Variants in TMPRSS15 observed in about 807,000 individuals in gnomAD.
TMPRSS15 encodes the protein transmembrane serine protease 15.
In TMPRSS15, 128 loss-of-function variants were observed where a neutral mutation model predicts 125.3. The ratio of observed to expected loss-of-function variants is 1.02; its 90% confidence interval spans 0.89 to 1.18. TMPRSS15 has a LOEUF of 1.18. Among genes scored for constraint, TMPRSS15 ranks in the 50% most tolerant of loss-of-function variants. The pLI, the probability that TMPRSS15 is intolerant of heterozygous loss-of-function variation, is 0.00. For synonymous variants in TMPRSS15, 446 were observed against 423.2 expected (o/e 1.05, Z -0.66); for missense variants, 1,283 against 1,212.7 (o/e 1.06, Z -0.86).
intron 18 of TMPRSS15, among the ~76,000 whole-genome samples, chr21:18,310,070 A>G (rs1209612404): frequency 3.9e-5 from 6 of 152,156 alleles, no homozygotes; most frequent in Non-Finnish European, 7.4e-5. Context: ...CCTCAACACA[A>G]TAAAGATTAC....
chr21:18,284,172 C>T (rs2146878384), intron 21 of TMPRSS15, among the ~76,000 whole-genome samples: 1 of 152,252 alleles, frequency 6.6e-6, no homozygotes, highest in African/African-American at 2.4e-5. Context: ...TACATCTTTC[C>T]TTCAAAGAGA....
chr21:18,480,299 T>C (rs570206300), intron 1 of TMPRSS15, among the ~76,000 whole-genome samples: 2 of 152,038 alleles, frequency 1.3e-5, no homozygotes, highest in Admixed American at 6.6e-5. Flanking sequence ...TTTAGTCTTG[T>C]TCATGTATGG....
At chr21:18,458,126 G>T (rs1012059573) in intron 1 of TMPRSS15, among the ~76,000 whole-genome samples, 5 of 152,098 alleles carry the variant, frequency 3.3e-5, no homozygotes, top group Non-Finnish European at 5.9e-5. Context: ...TTATATTAAG[G>T]TATAAGGAGG....
chr21:18,356,662 C>T (rs1056003053), intron 8 of TMPRSS15, among the ~76,000 whole-genome samples: 1 of 151,634 alleles, frequency 6.6e-6, no homozygotes, highest in African/African-American at 2.4e-5. Context: ...CATAACATAC[C>T]CCTATCAACA....
chr21:18,272,412 GAT>G (rs1038850979), intron 24 of TMPRSS15, among the ~76,000 whole-genome samples: 1 of 152,006 alleles, frequency 6.6e-6, no homozygotes, highest in African/African-American at 2.4e-5. Context: ...CTGTCTTGGA[GAT>G]ATATGAGTAC....
At chr21:18,317,607 G>A (rs1383888597) in intron 16 of TMPRSS15, among the ~76,000 whole-genome samples, 1 of 152,096 alleles carries the variant, frequency 6.6e-6, no homozygotes, top group Non-Finnish European at 1.5e-5. Context: ...GCTTTCATGG[G>A]ACTAGTGTAA....
chr21:18,338,287 T>C (rs1451388842), intron 13 of TMPRSS15, among the ~76,000 whole-genome samples: 1 of 152,040 alleles, frequency 6.6e-6, no homozygotes, highest in Non-Finnish European at 1.5e-5. Flanking sequence ...TCCTAGAAAA[T>C]TTTTCTTCTT....
intron 1 of TMPRSS15, among the ~76,000 whole-genome samples, chr21:18,433,913 T>A (rs1426930780): frequency 6.6e-6 from 1 of 152,122 alleles, no homozygotes; most frequent in Non-Finnish European, 1.5e-5. Context: ...ATTTGTCCAG[T>A]TTGTTTTTAA....
intron 1 of TMPRSS15, among the ~76,000 whole-genome samples, chr21:18,430,787 C>G (rs551102882): frequency 6.6e-6 from 1 of 152,260 alleles, no homozygotes. Flanking sequence ...CTCTGATATT[C>G]CCTTCTTGCA....
At chr21:18,282,573 G>A (rs1200789193) in intron 21 of TMPRSS15, among the ~76,000 whole-genome samples, 1 of 152,224 alleles carries the variant, frequency 6.6e-6, no homozygotes, top group East Asian at 1.9e-4. Context: ...GCAGTCATCA[G>A]TAAAGCCAGT....
intron 1 of TMPRSS15, among the ~76,000 whole-genome samples, chr21:18,415,543 G>A (rs2123180375): frequency 6.6e-6 from 1 of 152,166 alleles, no homozygotes; most frequent in Admixed American, 6.5e-5. Flanking sequence ...GTGTTAGGCA[G>A]AGATCTATTT....
At chr21:18,314,827 A>T (rs565684381) in intron 17 of TMPRSS15, among the ~76,000 whole-genome samples, 2 of 152,226 alleles carry the variant, frequency 1.3e-5, no homozygotes, top group East Asian at 3.9e-4. Flanking sequence ...AGTAGCCAAT[A>T]TGAGTGGTGC....
At chr21:18,416,072 T>G (rs899714722) in intron 1 of TMPRSS15, among the ~76,000 whole-genome samples, 29 of 151,960 alleles carry the variant, frequency 1.9e-4, no homozygotes, top group Non-Finnish European at 3.2e-4. Flanking sequence ...TCATACAATA[T>G]TTAGAAATAA....
Position 18,392,158 on chromosome 21 carries a change from C to T in TMPRSS15, c.344+5721G>A, listed in dbSNP as rs554473692. On this transcript the variant is annotated intron_variant, in intron 3 of 24. Coordinates refer to ENST00000284885, the MANE Select transcript of TMPRSS15 (RefSeq NM_002772.3). ...GGAGACATGTTCACCATTGTCTTGG[C>T]GAATAACATTTGACTCCTCATTACT... is the stretch of plus-strand genomic sequence containing the variant. Among the ~76,000 whole-genome samples, 17 of 152,274 alleles carry T rather than the reference C, an allele frequency of 1.1e-4. No homozygotes were observed. The South Asian group carries it at 2.5e-3, about 22-fold the overall frequency.
intron 24 of TMPRSS15, among the ~76,000 whole-genome samples, chr21:18,273,760 A>T (rs1404720321): frequency 6.6e-6 from 1 of 152,184 alleles, no homozygotes; most frequent in Non-Finnish European, 1.5e-5. Context: ...TTTTCATTTT[A>T]AAAAAGAAGT....
At chr21:18,312,116 G>A (rs1465824273) in intron 18 of TMPRSS15, among the ~76,000 whole-genome samples, 5 of 152,000 alleles carry the variant, frequency 3.3e-5, no homozygotes, top group Non-Finnish European at 7.4e-5. Flanking sequence ...GAGCCAACAT[G>A]GTTAGTAATC....
In TMPRSS15 at chr21:18,340,580, G is replaced by A. The variant is rs566333951; in HGVS notation, c.1564+833C>T. 5.9e-5 allele frequency among the ~76,000 whole-genome samples: 9 copies of A among 152,224 alleles called. No homozygotes were observed. In the South Asian group the frequency reaches 1.0e-3, roughly 18 times the overall value. On this transcript the variant is annotated intron_variant, in intron 13 of 24. Coordinates refer to ENST00000284885, the MANE Select transcript of TMPRSS15 (RefSeq NM_002772.3). ...GAGTTCTGTCCCTCTAGAGAACGCTGACTAATACCGCCACTATTTAGGACA... is the reference window on the plus strand; with the variant it reads ...GAGTTCTGTCCCTCTAGAGAACGCTAACTAATACCGCCACTATTTAGGACA...
Position 18,313,007 on chromosome 21 carries a change from T to C in TMPRSS15, c.2103A>G (p.Thr701=), listed in dbSNP as rs1262037273. Residue 701 remains threonine (T), a synonymous_variant, in exon 18 of 25, where the codon ACA becomes ACG. Coordinates refer to ENST00000284885, the MANE Select transcript of TMPRSS15 (RefSeq NM_002772.3). ...GGGTGGTCCAGTTCTCAGCACAAGC[T>C]GTATGCCATATGCTCTGGATTCTGA... ...VRFRIQSIWH[T]ACAENWTTQI... 6.2e-7 allele frequency: 1 copy of C among 1,613,994 alleles called. No homozygotes were observed. Among genetic ancestry groups the C allele is most frequent in the Non-Finnish European group, 8.5e-7 (1 of 1,179,978 alleles).
chr21:18,381,986 A>T (rs2075897104), intron 4 of TMPRSS15, among the ~76,000 whole-genome samples: 1 of 152,176 alleles, frequency 6.6e-6, no homozygotes, highest in South Asian at 2.1e-4. Context: ...AAAAAATAAA[A>T]AATGAAAATA....
Sources: allele counts gnomAD v4.1 joint callset (sites outside exome capture counted in the v4.1 genomes callset), GRCh38; gene constraint gnomAD v4.1.1; transcripts MANE v1.5; gene names NCBI Gene and HGNC (gene_info 2026-07-23, HGNC 2026-07-21).